OSBPL3: variants seen among roughly 807,000 people sequenced by gnomAD.
OSBPL3 encodes the protein oxysterol-binding protein-related protein 3.
OSBPL3 carries 65 observed loss-of-function variants against 120.1 expected under a neutral mutation model. That is an observed-to-expected ratio of 0.54 (90% CI 0.44 to 0.67). OSBPL3 has a LOEUF of 0.67. OSBPL3 is among the 30% of genes least tolerant of loss of function. The pLI, the probability that OSBPL3 is intolerant of heterozygous loss-of-function variation, is 0.00. For synonymous variants in OSBPL3, 416 were observed against 402.6 expected, an observed-to-expected ratio of 1.03 and a Z score of -0.40; for missense variants, 1,004 against 1,082.1, an observed-to-expected ratio of 0.93 and a Z score of 1.01.
chr7:24,827,125 A>T lies in OSBPL3; in HGVS notation c.1884+3643T>A, dbSNP rs1032775262. On this transcript the variant is annotated intron_variant, in intron 16 of 22. Coordinates refer to ENST00000313367, the MANE Select transcript of OSBPL3 (RefSeq NM_015550.4). This position sits in a 1 kb window ranked among gnomAD's most constrained non-coding sequence, Gnocchi z 5.1. Reference sequence around the variant, plus strand: ...AAATATTAATTCGGGGGGCTTGCCCAGTTTATTATACTAGTCATCCAGAAA... The same window carrying T: ...AAATATTAATTCGGGGGGCTTGCCCTGTTTATTATACTAGTCATCCAGAAA... Among the ~76,000 whole-genome samples, 6 of 152,234 alleles carry T rather than the reference A, an allele frequency of 3.9e-5. No individual in the cohort carries two copies. The highest frequency in any genetic ancestry group is 1.4e-4 in the African/African-American group (6 of 41,458).
At position 24,819,539 on chromosome 7, in the gene OSBPL3, C is replaced by CGT. The variant is rs141151390; in HGVS notation, c.1948+634_1948+635dup. ...CGTACTTTTAAAGTTTAATAGACTGCGTGTGTGTGTGTGCCTGTGTGTGTA... is the reference window on the plus strand; with the variant it reads ...CGTACTTTTAAAGTTTAATAGACTGCGTGTGTGTGTGTGTGCCTGTGTGTGTA... On this transcript the variant is annotated intron_variant, in intron 17 of 22. Transcript: ENST00000313367. The surrounding 1 kb of genome is among the most constrained non-coding windows in gnomAD (Gnocchi z 4.1). Among the ~76,000 whole-genome samples, 3 of 151,610 alleles carry CGT rather than the reference C, an allele frequency of 2.0e-5. No homozygotes were observed. Among genetic ancestry groups the CGT allele is most frequent in the East Asian group, 1.9e-4 (1 of 5,200 alleles).
At position 24,849,198 on chromosome 7, in the gene OSBPL3, G is replaced by A. The variant is rs1435586799; in HGVS notation, c.1159-22C>T. Reference sequence around the variant, plus strand: ...GGGCCTGGAACATGTTAAAATAGTGGGGCTCTGTTAATAAATGGATGTTTC... The same window carrying A: ...GGGCCTGGAACATGTTAAAATAGTGAGGCTCTGTTAATAAATGGATGTTTC... On this transcript the variant is annotated intron_variant, in intron 11 of 22. Transcript: ENST00000313367. The surrounding 1 kb of genome is among the most constrained non-coding windows in gnomAD (Gnocchi z 5.4). The A allele has an allele frequency of 1.3e-6, 2 of 1,568,622 alleles. No individual in the cohort carries two copies. The highest frequency in any genetic ancestry group is 2.2e-5 in the East Asian group (1 of 44,606).
rs941756202 is a variant in OSBPL3 at position 24,862,486 on chromosome 7, A to C, written c.870+714T>G. Among the ~76,000 whole-genome samples, 2 of 152,160 alleles carry C rather than the reference A, an allele frequency of 1.3e-5. No homozygotes were observed. The highest frequency in any genetic ancestry group is 4.1e-4 in the South Asian group (2 of 4,828). On this transcript the variant is annotated intron_variant, in intron 9 of 22. Coordinates refer to ENST00000313367, the MANE Select transcript of OSBPL3 (RefSeq NM_015550.4). The surrounding 1 kb of genome is among the most constrained non-coding windows in gnomAD (Gnocchi z 4.4). ...GGCTTCTACAAAACAAATGACCTTC[A>C]TTTGTACATGGAACATTCTTTACTT...
At chr7:24,901,467 A>G (rs1361426434) in intron 1 of OSBPL3, among the ~76,000 whole-genome samples, 1 of 152,256 alleles carries the variant, frequency 6.6e-6, no homozygotes, top group Non-Finnish European at 1.5e-5. Flanking sequence ...TCTGGTCATA[A>G]AAGTCAACAC....
intron 1 of OSBPL3, among the ~76,000 whole-genome samples, chr7:24,914,265 G>A (rs1187368960): frequency 6.6e-6 from 1 of 151,780 alleles, no homozygotes; most frequent in Non-Finnish European, 1.5e-5. Flanking sequence ...CCAGCCATTG[G>A]ACAGCAGAGC....
chr7:24,941,280 T>C (rs763805667), intron 1 of OSBPL3, among the ~76,000 whole-genome samples: 3 of 152,168 alleles, frequency 2.0e-5, no homozygotes, highest in African/African-American at 7.2e-5. Context: ...TTACTTCTTA[T>C]CAATTTAGAA....
chr7:24,927,376 A>G (rs1357235041), intron 1 of OSBPL3, among the ~76,000 whole-genome samples: 1 of 152,222 alleles, frequency 6.6e-6, no homozygotes, highest in East Asian at 1.9e-4. Flanking sequence ...AGCAGAGAAT[A>G]TGGCAATAAA....
chr7:24,850,188 C>A (rs1798968240), intron 11 of OSBPL3, among the ~76,000 whole-genome samples: 2 of 152,252 alleles, frequency 1.3e-5, no homozygotes, highest in South Asian at 4.1e-4. Flanking sequence ...TGCCCCCAGG[C>A]CTCCTTTATA....
At chr7:24,907,990 C>T (rs1808198259) in intron 1 of OSBPL3, among the ~76,000 whole-genome samples, 1 of 152,190 alleles carries the variant, frequency 6.6e-6, no homozygotes. Context: ...CTTTACTGTT[C>T]ACTGGAATCA....
At chr7:24,868,966 G>A (rs964631091) in intron 5 of OSBPL3, among the ~76,000 whole-genome samples, 17 of 152,150 alleles carry the variant, frequency 1.1e-4, no homozygotes, top group African/African-American at 3.4e-4. Flanking sequence ...TTCTAGGGCC[G>A]TGGGTGAGCA....
intron 12 of OSBPL3, among the ~76,000 whole-genome samples, chr7:24,842,863 T>C (rs1401381587): frequency 1.3e-5 from 2 of 152,370 alleles, no homozygotes; most frequent in Admixed American, 6.5e-5. Context: ...GAGGGAACAA[T>C]ATGCTGCTTT....
At chr7:24,954,652 T>C (rs745784834) in intron 1 of OSBPL3, among the ~76,000 whole-genome samples, 20 of 152,254 alleles carry the variant, frequency 1.3e-4, no homozygotes, top group Non-Finnish European at 2.2e-4. Flanking sequence ...CCCCATCTCC[T>C]ACAAATAAAC....
At chr7:24,917,994 T>C in intron 1 of OSBPL3, 1 of 722,252 alleles carries the variant, frequency 1.4e-6, no homozygotes, top group Non-Finnish European at 1.7e-6. Context: ...CGATCCTGTC[T>C]AGCTTTCAAA....
At chr7:24,839,846 T>C (rs59096344) in intron 14 of OSBPL3, among the ~76,000 whole-genome samples, 3,134 of 151,382 alleles carry the variant, frequency 0.021, 98 homozygotes, top group African/African-American at 0.072. Context: ...AAAACTTAGC[T>C]GGGCATGGTG....
rs959603455 is a variant in OSBPL3 at position 24,964,107 on chromosome 7, A to T, written c.-150+15779T>A. ...AAATATCAATGGATCCACACTGATTAAAAAAAACTGATTGAATAAACAAAT... is the reference window on the plus strand; with the variant it reads ...AAATATCAATGGATCCACACTGATTTAAAAAAACTGATTGAATAAACAAAT... On this transcript the variant is annotated intron_variant, in intron 1 of 22. Coordinates refer to ENST00000313367, the MANE Select transcript of OSBPL3 (RefSeq NM_015550.4). This position sits in a 1 kb window ranked among gnomAD's most constrained non-coding sequence, Gnocchi z 4.2. Among the ~76,000 whole-genome samples, 13 of 152,096 alleles carry T rather than the reference A, an allele frequency of 8.5e-5. No individual in the cohort carries two copies. Among genetic ancestry groups the T allele is most frequent in the Non-Finnish European group, 1.6e-4 (11 of 68,004 alleles).
At chr7:24,809,766 C>T in intron 20 of OSBPL3, 41 bp downstream of exon 20, 1 of 1,603,148 alleles carries the variant, frequency 6.2e-7, no homozygotes, top group Non-Finnish European at 8.5e-7. Flanking sequence ...CCCACCCATC[C>T]ACCCACTCAC....
In OSBPL3 at chr7:24,964,533, C is replaced by G. The variant is rs1402744376; in HGVS notation, c.-150+15353G>C. Among the ~76,000 whole-genome samples the G allele has an allele frequency of 6.6e-6, 1 of 152,132 alleles. No homozygotes were observed. The highest frequency in any genetic ancestry group is 1.5e-5 in the Non-Finnish European group (1 of 68,032). The stretch of plus-strand genomic sequence containing the variant: ...TACTTTACCACTACTCCTCAAAGCT[C>G]TCGAGGTCATCAAACACAAGGAAAG... On this transcript the variant is annotated intron_variant, in intron 1 of 22. Transcript: ENST00000313367. This position sits in a 1 kb window ranked among gnomAD's most constrained non-coding sequence, Gnocchi z 4.2.
intron 1 of OSBPL3, among the ~76,000 whole-genome samples, chr7:24,963,918 C>A (rs543524392): frequency 6.6e-6 from 1 of 152,060 alleles, no homozygotes; most frequent in African/African-American, 2.4e-5. Context: ...AGCCTGAGTA[C>A]CTTGTAGTGC....
intron 1 of OSBPL3, among the ~76,000 whole-genome samples, chr7:24,919,940 C>T (rs1484991044): frequency 6.6e-6 from 1 of 151,764 alleles, no homozygotes; most frequent in Non-Finnish European, 1.5e-5. Flanking sequence ...TAAGGAAATG[C>T]AAATCAAAAC....
Sources: allele counts gnomAD v4.1 joint callset (sites outside exome capture counted in the v4.1 genomes callset), GRCh38; gene constraint gnomAD v4.1.1; non-coding constraint Gnocchi (gnomAD v3.1); transcripts MANE v1.5; gene names NCBI Gene and HGNC (gene_info 2026-07-23, HGNC 2026-07-21).